CCT5: variants seen among roughly 807,000 people sequenced by gnomAD.
The protein encoded by CCT5 is T-complex protein 1 subunit epsilon.
CCT5 carries 6 observed loss-of-function variants against 55.0 expected under a neutral mutation model. The observed-to-expected ratio is 0.11, with a 90% CI of 0.06 to 0.22. The LOEUF is 0.22. Among genes scored for constraint, CCT5 ranks in the 10% least tolerant of loss-of-function variants. CCT5 has a pLI of 1.00. For missense variants in CCT5, 560 were observed against 694.6 expected (o/e 0.81, Z 2.18); for synonymous variants, 231 against 243.7 (o/e 0.95, Z 0.49).
rs544661811 is a variant in CCT5 at position 10,254,327 on chromosome 5, A to C, written c.166+122A>C. The C allele has an allele frequency of 1.1e-5, 8 of 749,238 alleles. No individual in the cohort carries two copies. In the South Asian group the frequency reaches 1.2e-4, roughly 11 times the overall value. 46.4% of individuals were successfully genotyped at this position (749,238 alleles called of 1,614,324 possible). A position where few individuals can be genotyped will look rare whatever the true frequency, so the allele number is the denominator to read the frequency against. On this transcript the variant is annotated intron_variant, in intron 2 of 10. Coordinates refer to ENST00000280326, the MANE Select transcript of CCT5 (RefSeq NM_012073.5). The stretch of plus-strand genomic sequence containing the variant: ...GCATCTTACTTCCTTAACACAGCCA[A>C]AATTTTTTAGTGTATTTCAGGTTTC...
chr5:10,250,944 C>T lies in CCT5; in HGVS notation c.105+499C>T, dbSNP rs910547996. ...ATTTCTGAGTGCTTTTTTGCCCACC[C>T]TTGAGGAAAAATAGCGAAGAGTGAA... On this transcript the variant is annotated intron_variant, in intron 1 of 10. Coordinates refer to ENST00000280326, the MANE Select transcript of CCT5 (RefSeq NM_012073.5). 2.5e-5 allele frequency: 22 copies of T among 882,768 alleles called. No homozygotes were observed. The African/African-American group carries it at 3.6e-4, about 15-fold the overall frequency. The allele number at this position is 882,768 out of a possible 1,614,324, so 54.7% of individuals were successfully genotyped here. A position where few individuals can be genotyped will look rare whatever the true frequency, so the allele number is the denominator to read the frequency against.
intron 1 of CCT5, among the ~76,000 whole-genome samples, chr5:10,252,471 T>C (rs2548544): frequency 0.81 from 112,322 of 139,346 alleles, 43,687 homozygotes; most frequent in East Asian, 0.87. Flanking sequence ...AGGCATTGAC[T>C]GGGCGCGGTG....
chr5:10,257,021 C>T (rs537296462), intron 4 of CCT5, among the ~76,000 whole-genome samples: 3 of 152,148 alleles, frequency 2.0e-5, no homozygotes, highest in African/African-American at 7.2e-5. Flanking sequence ...GGTCTGTTGC[C>T]GTAATATAAC....
rs1746139322 is a variant in CCT5, at chr5:10,264,749, A to G, written c.1592A>G (p.Asp531Gly). ...ATGGTTAGAATGATTTTGAAGATTGATGACATTCGTAAGCCTGGAGAATCT... is the reference window on the plus strand; with the variant it reads ...ATGGTTAGAATGATTTTGAAGATTGGTGACATTCGTAAGCCTGGAGAATCT... ...TQMVRMILKI[D>G]DIRKPGESEE Residue 531 changes from aspartate to glycine, a missense_variant, in exon 11 of 11, where the codon GAT becomes GGT. By Grantham distance (94) the Asp-to-Gly change is moderately conservative. This residue lies in a region of CCT5 where 115 missense variants were observed against 105.0 expected (regional missense o/e 1.10). Coordinates refer to ENST00000280326, the MANE Select transcript of CCT5 (RefSeq NM_012073.5). The G allele has an allele frequency of 6.2e-7, 1 of 1,612,792 alleles. No individual in the cohort carries two copies. Among genetic ancestry groups the G allele is most frequent in the Non-Finnish European group, 8.5e-7 (1 of 1,178,750 alleles).
In CCT5 at chr5:10,264,642, C is replaced by A. The variant is rs772511157; in HGVS notation, c.1499-14C>A. 13 of 1,552,806 alleles carry A rather than the reference C, an allele frequency of 8.4e-6. No homozygotes were observed. Among genetic ancestry groups the A allele is most frequent in the African/African-American group, 6.8e-5 (5 of 73,640 alleles). Reference sequence around the variant, plus strand: ...ATGCTATTTTAGGATAATCAGTGTCCTTGTATTTTTCAGATATGAAGCAAC... The same window carrying A: ...ATGCTATTTTAGGATAATCAGTGTCATTGTATTTTTCAGATATGAAGCAAC... On this transcript the variant is annotated splice_polypyrimidine_tract_variant and intron_variant, in intron 10 of 10. Coordinates refer to ENST00000280326, the MANE Select transcript of CCT5 (RefSeq NM_012073.5).
chr5:10,262,767 G>T (rs920351941), intron 9 of CCT5, 149 bp downstream of exon 9: 5 of 850,140 alleles, frequency 5.9e-6, no homozygotes, highest in African/African-American at 3.3e-5. Context: ...TAATTCCCAC[G>T]TTCCTGTATT....
At position 10,264,850 on chromosome 5, in the gene CCT5, A is replaced by G. The variant is rs544; in HGVS notation, c.*67A>G. 1,312,926 of 1,591,202 alleles carry G rather than the reference A, an allele frequency of 0.83. 549,137 individuals are homozygous for G. Among genetic ancestry groups the G allele is most frequent in the East Asian group, 0.89 (39,555 of 44,592 alleles). ...TAAGTAAATGGATGTCTCGTGATGC[A>G]TCTACAGTTATTTATTGTTACATCC... On this transcript the variant is annotated 3_prime_UTR_variant, in exon 11 of 11. Coordinates refer to ENST00000280326, the MANE Select transcript of CCT5 (RefSeq NM_012073.5).
chr5:10,265,124 C>CT lies in CCT5; in HGVS notation c.*342dup, dbSNP rs1367402537. On this transcript the variant is annotated 3_prime_UTR_variant, in exon 11 of 11. Transcript: ENST00000280326. Reference sequence around the variant, plus strand: ...TTTTTCTCAAAATAAGCTGTAGGGACTATTTTAACAGCTTAAACAGGAGCT... The same window carrying CT: ...TTTTTCTCAAAATAAGCTGTAGGGACTTATTTTAACAGCTTAAACAGGAGCT... 3.7e-6 allele frequency: 1 copy of CT among 273,852 alleles called. No individual in the cohort carries two copies. Among genetic ancestry groups the CT allele is most frequent in the African/African-American group, 2.3e-5 (1 of 44,176 alleles). 17.0% of individuals were successfully genotyped at this position (273,852 alleles called of 1,614,324 possible). A position where few individuals can be genotyped will look rare whatever the true frequency, so the allele number is the denominator to read the frequency against.
intron 1 of CCT5, chr5:10,250,828 G>C (rs1286471580): frequency 1.8e-6 from 2 of 1,093,498 alleles, no homozygotes; most frequent in South Asian, 2.7e-5. Context: ...CGGTTAAGGC[G>C]CTGCTGCTTA....
At chr5:10,250,705 G>C (rs1193950649) in intron 1 of CCT5, 8 of 1,318,756 alleles carry the variant, frequency 6.1e-6, no homozygotes, top group East Asian at 3.2e-5. Flanking sequence ...CGCTCAGTCC[G>C]GTCGCCCGCG....
rs1579454828 is a variant in CCT5 at position 10,260,710 on chromosome 5, G to A, written c.874-82G>A. ...GAGTGCACCTGCCTTACACCCAACT[G>A]TGCCTCTCCTTTTTTCAAACATTGT... On this transcript the variant is annotated intron_variant, in intron 6 of 10. Coordinates refer to ENST00000280326, the MANE Select transcript of CCT5 (RefSeq NM_012073.5). 8.0e-6 allele frequency: 12 copies of A among 1,494,460 alleles called. No homozygotes were observed. In the East Asian group the frequency reaches 1.6e-4, roughly 20 times the overall value. 92.6% of individuals were successfully genotyped at this position (1,494,460 alleles called of 1,614,324 possible).
chr5:10,252,922 TTAAAAA>T lies in CCT5; in HGVS notation c.106-1219_106-1214del, dbSNP rs1260492892. Among the ~76,000 whole-genome samples the T allele has an allele frequency of 6.6e-5, 10 of 152,134 alleles. No individual in the cohort carries two copies. In the East Asian group the frequency reaches 1.9e-3, roughly 29 times the overall value. On this transcript the variant is annotated intron_variant, in intron 1 of 10. Transcript: ENST00000280326. ...TTTCTTTCTGCCTCTTGCTTTCTCC[TTAAAAA>T]TAATAATAATAATAATTCTATTACT...
In CCT5 at chr5:10,264,951, A is replaced by G; in HGVS notation, c.*168A>G. The G allele has an allele frequency of 2.5e-6, 2 of 814,186 alleles. No homozygotes were observed. Among genetic ancestry groups the G allele is most frequent in the Non-Finnish European group, 3.9e-6 (2 of 516,310 alleles). The allele number at this position is 814,186 out of a possible 1,614,324, so 50.4% of individuals were successfully genotyped here. A position where few individuals can be genotyped will look rare whatever the true frequency, so the allele number is the denominator to read the frequency against. On this transcript the variant is annotated 3_prime_UTR_variant, in exon 11 of 11. Coordinates refer to ENST00000280326, the MANE Select transcript of CCT5 (RefSeq NM_012073.5). ...AGTTTCACTTGTTCAAAGCTGTGTA[A>G]TCGTGGGGGTACCATCTCAACTGCT...
rs1487188210 is a variant in CCT5, at chr5:10,261,574, A to C, written c.1008A>C (p.Ala336=). Residue 336 remains alanine, a synonymous_variant, in exon 8 of 11, where the codon GCA becomes GCC. Coordinates refer to ENST00000280326, the MANE Select transcript of CCT5 (RefSeq NM_012073.5). Reference sequence around the variant, plus strand: ...ACCCCAATTAGCTGATTGCCATCGCAACAGGAGGGCGGATCGTCCCCAGGT... The same window carrying C: ...ACCCCAATTAGCTGATTGCCATCGCCACAGGAGGGCGGATCGTCCCCAGGT... ...GGPEIELIAI[A]TGGRIVPRFS... 1 of 1,614,150 alleles carries C rather than the reference A, an allele frequency of 6.2e-7. No homozygotes were observed. Among genetic ancestry groups the C allele is most frequent in the Non-Finnish European group, 8.5e-7 (1 of 1,180,006 alleles).
At chr5:10,253,517 G>A (rs1050876442) in intron 1 of CCT5, among the ~76,000 whole-genome samples, 40 of 152,148 alleles carry the variant, frequency 2.6e-4, no homozygotes, top group Non-Finnish European at 1.5e-5. Context: ...CTCCCAAGTA[G>A]GGGGGGTTGC....
Position 10,258,128 on chromosome 5 carries a change from G to A in CCT5, c.548G>A (p.Arg183Gln), listed in dbSNP as rs772711272. 14 of 1,614,080 alleles carry A rather than the reference G, an allele frequency of 8.7e-6. No individual in the cohort carries two copies. Among genetic ancestry groups the A allele is most frequent in the African/African-American group, 5.3e-5 (4 of 74,932 alleles). ...LGSKVVNSCHRQMAEIAVNAV... is the reference protein window; with the variant it reads ...LGSKVVNSCHQQMAEIAVNAV... ...TTCCTCAGGGTCAACAGTTGTCACC[G>A]ACAGATGGCTGAGATTGCTGTGAAT... The change falls in exon 5 of 11, where the codon CGA becomes CAA. Residue 183 changes from arginine (R) to glutamine (Q), a missense_variant. Arg to Gln is a conservative substitution (Grantham distance 43, BLOSUM62 1). Around this residue, in one of 4 missense-constraint regions of CCT5, gnomAD observed 256 missense variants for 372.4 expected, o/e 0.69. Coordinates refer to ENST00000280326, the MANE Select transcript of CCT5 (RefSeq NM_012073.5).
chr5:10,264,673 G>A lies in CCT5; in HGVS notation c.1516G>A (p.Val506Ile), dbSNP rs773131641. The change falls in exon 11 of 11, where the codon GTC (valine) becomes ATC (isoleucine). Residue 506 changes from valine (V) to isoleucine (I), a missense_variant. Val to Ile is a conservative substitution (Grantham distance 29). Transcript: ENST00000280326. ...TTTTTCAGATATGAAGCAACAGCAT[G>A]TCATAGAAACCTTGATTGGCAAAAA... is the stretch of plus-strand genomic sequence containing the variant. ...KGTNDMKQQH[V>I]IETLIGKKQQ... 1.9e-6 allele frequency: 3 copies of A among 1,612,442 alleles called. No individual in the cohort carries two copies. Among genetic ancestry groups the A allele is most frequent in the Admixed American group, 3.3e-5 (2 of 60,006 alleles).
chr5:10,256,501 A>G (rs543513029), intron 4 of CCT5, among the ~76,000 whole-genome samples: 26 of 152,266 alleles, frequency 1.7e-4, no homozygotes, highest in Admixed American at 1.2e-3. Flanking sequence ...AGCTTGCTTG[A>G]GCTCAGGAAT....
At chr5:10,254,629 G>A (rs1481753801) in intron 2 of CCT5, 45 bp from the exon 3 acceptor site, 1 of 1,579,076 alleles carries the variant, frequency 6.3e-7, no homozygotes, top group Non-Finnish European at 8.7e-7. Flanking sequence ...TTGTGATATT[G>A]GTTGCCAGTT....
Sources: allele counts gnomAD v4.1 joint callset (sites outside exome capture counted in the v4.1 genomes callset), GRCh38; gene constraint gnomAD v4.1.1; regional missense constraint gnomAD v4.1.1; transcripts MANE v1.5; gene names NCBI Gene and HGNC (gene_info 2026-07-23, HGNC 2026-07-21).